Variants in KCNIP4 observed in about 807,000 individuals in gnomAD.
KCNIP4 encodes potassium voltage-gated channel interacting protein 4.
KCNIP4 carries 12 observed loss-of-function variants against 34.0 expected under a neutral mutation model. That is an observed-to-expected ratio of 0.35 (90% CI 0.23 to 0.57). The LOEUF (loss-of-function observed/expected upper bound fraction) is 0.57. Ranked by LOEUF, KCNIP4 falls within the 20% of genes least tolerant of loss-of-function variation. The pLI, the probability that KCNIP4 is intolerant of heterozygous loss-of-function variation, is 0.83. For missense variants in KCNIP4, 238 were observed against 311.7 expected (o/e 0.76, Z 1.78); for synonymous variants, 124 against 102.2 (o/e 1.21, Z -1.29).
At chr4:21,319,587 C>T (rs1326673964) in intron 1 of KCNIP4, among the ~76,000 whole-genome samples, 2 of 152,192 alleles carry the variant, frequency 1.3e-5, no homozygotes, top group Non-Finnish European at 2.9e-5. Context: ...TTTGAATCAC[C>T]TAGTAGCCTG....
Position 20,795,202 on chromosome 4 carries a change from A to C in KCNIP4, c.289-36312T>G, listed in dbSNP as rs550515379. On this transcript the variant is annotated intron_variant, in intron 3 of 8. Transcript: ENST00000382152. ...TTGGTGATCAGCCATTAAATCATAA[A>C]GAAGAGGTGTCTTCTTTATGGGAAG... Among the ~76,000 whole-genome samples, 3 of 152,308 alleles carry C rather than the reference A, an allele frequency of 2.0e-5. No homozygotes were observed. In the South Asian group the frequency reaches 6.2e-4, roughly 32 times the overall value.
intron 1 of KCNIP4, among the ~76,000 whole-genome samples, chr4:21,638,778 G>T (rs2109227081): frequency 6.6e-6 from 1 of 152,292 alleles, no homozygotes; most frequent in East Asian, 1.9e-4. Context: ...CTGAATGCAT[G>T]ATTGTGTGAA....
At chr4:21,270,707 C>T (rs1762086985) in intron 1 of KCNIP4, among the ~76,000 whole-genome samples, 1 of 151,838 alleles carries the variant, frequency 6.6e-6, no homozygotes, top group Admixed American at 6.6e-5. Flanking sequence ...TAGATTGTAC[C>T]CAGGTGCGGT....
chr4:21,509,468 T>C (rs1190986420), intron 1 of KCNIP4, among the ~76,000 whole-genome samples: 1 of 152,164 alleles, frequency 6.6e-6, no homozygotes, highest in Non-Finnish European at 1.5e-5. Flanking sequence ...TAACAAAGAT[T>C]AACATTTATC....
chr4:21,035,419 A>G (rs1001521036), intron 1 of KCNIP4, among the ~76,000 whole-genome samples: 3 of 152,194 alleles, frequency 2.0e-5, no homozygotes, highest in African/African-American at 4.8e-5. Flanking sequence ...TATCTTTACT[A>G]GCTTTGTCCT....
chr4:21,038,687 T>C (rs1158357935), intron 1 of KCNIP4, among the ~76,000 whole-genome samples: 1 of 152,278 alleles, frequency 6.6e-6, no homozygotes. Flanking sequence ...GGATAAGTTA[T>C]AAATATTGGC....
At chr4:21,723,624 C>T (rs1824367) in intron 1 of KCNIP4, among the ~76,000 whole-genome samples, 62,581 of 151,744 alleles carry the variant, frequency 0.41, 15,090 homozygotes, top group East Asian at 0.68. Context: ...TTTGGTGTCA[C>T]ATGGGAGCTC....
chr4:20,729,071 TGC>T lies in KCNIP4; in HGVS notation c.*1009_*1010del, dbSNP rs1181987902. ...GTGAATTTTGCTTGCTAATTTTGCT[TGC>T]TGTTTGTTCTTAGTAGACAGTGGGG... On this transcript the variant is annotated 3_prime_UTR_variant, in exon 9 of 9. Transcript: ENST00000382152. 1.3e-5 allele frequency: 2 copies of T among 152,586 alleles called. No individual in the cohort carries two copies. The highest frequency in any genetic ancestry group is 6.5e-5 in the Admixed American group (1 of 15,276). 9.5% of individuals were successfully genotyped at this position (152,586 alleles called of 1,614,324 possible). A position where few individuals can be genotyped will look rare whatever the true frequency, so the allele number is the denominator to read the frequency against.
At chr4:21,283,409 T>C (rs1762902567) in intron 1 of KCNIP4, among the ~76,000 whole-genome samples, 1 of 152,022 alleles carries the variant, frequency 6.6e-6, no homozygotes, top group African/African-American at 2.4e-5. Context: ...TCTTCCATCT[T>C]TTAACGTTTT....
intron 1 of KCNIP4, among the ~76,000 whole-genome samples, chr4:21,411,338 T>A (rs1328005954): frequency 6.6e-6 from 1 of 152,148 alleles, no homozygotes; most frequent in South Asian, 2.1e-4. Flanking sequence ...TTGATCAATA[T>A]TTGGCCAGTG....
intron 1 of KCNIP4, among the ~76,000 whole-genome samples, chr4:21,628,085 C>G (rs1287408230): frequency 6.6e-6 from 1 of 151,954 alleles, no homozygotes; most frequent in Non-Finnish European, 1.5e-5. Flanking sequence ...GTTACATGAG[C>G]CTGGATTCCT....
intron 1 of KCNIP4, among the ~76,000 whole-genome samples, chr4:21,746,960 A>C (rs17497844): frequency 0.092 from 13,983 of 152,222 alleles, 678 homozygotes; most frequent in Middle Eastern, 0.18. Context: ...GCAGTTTTAA[A>C]ATTTCCAAAA....
intron 1 of KCNIP4, among the ~76,000 whole-genome samples, chr4:20,942,419 T>C (rs1257081812): frequency 6.6e-6 from 1 of 152,184 alleles, no homozygotes; most frequent in Admixed American, 6.5e-5. Context: ...ATAGAACATC[T>C]CCAAGGATGC....
At chr4:20,776,897 A>G (rs1272290458) in intron 3 of KCNIP4, among the ~76,000 whole-genome samples, 1 of 152,110 alleles carries the variant, frequency 6.6e-6, no homozygotes, top group East Asian at 1.9e-4. Context: ...TGAATAGATG[A>G]AGGCATGATT....
intron 3 of KCNIP4, among the ~76,000 whole-genome samples, chr4:20,773,759 T>A (rs1466330506): frequency 6.6e-6 from 1 of 152,174 alleles, no homozygotes; most frequent in East Asian, 1.9e-4. Flanking sequence ...TTAGATAATT[T>A]AAAAAATTAA....
chr4:21,062,443 T>C (rs1318595035), intron 1 of KCNIP4, among the ~76,000 whole-genome samples: 2 of 152,024 alleles, frequency 1.3e-5, no homozygotes, highest in Admixed American at 6.6e-5. Context: ...CAGATTGGAT[T>C]AGGAGGCCAA....
chr4:20,738,276 T>A (rs1215400147), intron 5 of KCNIP4, among the ~76,000 whole-genome samples: 2 of 152,312 alleles, frequency 1.3e-5, no homozygotes, highest in African/African-American at 4.8e-5. Flanking sequence ...TTTTTAAAAA[T>A]TCACAGCGTA....
At chr4:21,818,641 T>C (rs1722137176) in intron 1 of KCNIP4, among the ~76,000 whole-genome samples, 1 of 152,230 alleles carries the variant, frequency 6.6e-6, no homozygotes, top group Middle Eastern at 3.2e-3. Flanking sequence ...ATAGCACAGA[T>C]ATAGAACATT....
intron 1 of KCNIP4, among the ~76,000 whole-genome samples, chr4:20,983,045 ATG>A (rs1037971334): frequency 6.6e-6 from 1 of 152,228 alleles, no homozygotes; most frequent in Non-Finnish European, 1.5e-5. Flanking sequence ...CATAAACAAT[ATG>A]TGTGTGTGTT....
Sources: allele counts gnomAD v4.1 joint callset (sites outside exome capture counted in the v4.1 genomes callset), GRCh38; gene constraint gnomAD v4.1.1; transcripts MANE v1.5; gene names NCBI Gene and HGNC (gene_info 2026-07-23, HGNC 2026-07-21).